Variants in CSNK2A2IP observed in about 807,000 individuals in gnomAD.
CSNK2A2IP encodes the protein casein kinase 2 subunit alpha' interacting protein, also known as casein kinase II subunit alpha'-interacting protein.
chr3:88,466,156 A>G, the CSNK2A2IP span: 14 of 1,231,474 alleles, frequency 1.1e-5, no homozygotes, highest in Non-Finnish European at 1.4e-5. Flanking sequence ...ACCCAATCAA[A>G]TTGCTCTTAC....
At chr3:88,441,640 T>C in the CSNK2A2IP span, among the ~76,000 whole-genome samples, 79 of 152,326 alleles carry the variant, frequency 5.2e-4, no homozygotes, top group African/African-American at 1.8e-3. Context: ...TCTTAGAGAA[T>C]ACATTTTTTT....
chr3:88,384,589 C>T, the CSNK2A2IP span, among the ~76,000 whole-genome samples: 2 of 151,934 alleles, frequency 1.3e-5, no homozygotes, highest in African/African-American at 2.4e-5. Context: ...GCCATTTTTC[C>T]CCAAAGAGCA....
chr3:88,453,167 G>A, the CSNK2A2IP span, among the ~76,000 whole-genome samples: 1 of 152,050 alleles, frequency 6.6e-6, no homozygotes, highest in African/African-American at 2.4e-5. Flanking sequence ...TATGAAGTTG[G>A]TTCCCAAAAG....
chr3:88,446,082 CTTTCTTTCTT>C, the CSNK2A2IP span, among the ~76,000 whole-genome samples: 4 of 98,984 alleles, frequency 4.0e-5, 1 homozygote, highest in South Asian at 9.6e-4. Flanking sequence ...TTCTTTCTTT[CTTTCTTTCTT>C]TCTTTCTTTT....
the CSNK2A2IP span, among the ~76,000 whole-genome samples, chr3:88,408,922 TC>T: frequency 6.6e-6 from 1 of 151,906 alleles, no homozygotes. Context: ...TGAAATTTAA[TC>T]AAAATAAGTC....
chr3:88,348,252 T>C, the CSNK2A2IP span, among the ~76,000 whole-genome samples: 1 of 152,080 alleles, frequency 6.6e-6, no homozygotes. Flanking sequence ...TATGTAATTA[T>C]GTTCAAAGGG....
the CSNK2A2IP span, among the ~76,000 whole-genome samples, chr3:88,355,561 T>C: frequency 1.3e-5 from 2 of 152,190 alleles, no homozygotes; most frequent in African/African-American, 2.4e-5. Context: ...CCCATTAATA[T>C]TGCTTTCTGA....
At chr3:88,458,112 C>T in the CSNK2A2IP span, among the ~76,000 whole-genome samples, 1 of 148,788 alleles carries the variant, frequency 6.7e-6, no homozygotes, top group African/African-American at 2.5e-5. Flanking sequence ...GTAACATCAC[C>T]TCTCTTAATC....
chr3:88,465,869 T>C, the CSNK2A2IP span: 1 of 1,231,708 alleles, frequency 8.1e-7, no homozygotes, highest in Non-Finnish European at 1.0e-6. Flanking sequence ...TGGAGATCAC[T>C]TTCATTGAAG....
chr3:88,383,271 C>G, the CSNK2A2IP span, among the ~76,000 whole-genome samples: 1 of 152,150 alleles, frequency 6.6e-6, no homozygotes, highest in East Asian at 1.9e-4. Flanking sequence ...ATTGTAGAAA[C>G]ATTATGGACA....
chr3:88,394,911 C>A, the CSNK2A2IP span, among the ~76,000 whole-genome samples: 1 of 152,128 alleles, frequency 6.6e-6, no homozygotes, highest in Non-Finnish European at 1.5e-5. Flanking sequence ...GGGAGAGGAG[C>A]AGCAAAGACT....
At chr3:88,422,127 T>C in the CSNK2A2IP span, among the ~76,000 whole-genome samples, 1 of 152,212 alleles carries the variant, frequency 6.6e-6, no homozygotes, top group African/African-American at 2.4e-5. Context: ...AAAAAACTTT[T>C]ATTAGACTTT....
At chr3:88,462,114 C>CAT in the CSNK2A2IP span, among the ~76,000 whole-genome samples, 10,113 of 143,030 alleles carry the variant, frequency 0.071, 412 homozygotes, top group East Asian at 0.22. Context: ...GAGTTTTTTT[C>CAT]ATATATATAT....
At chr3:88,438,726 A>G in the CSNK2A2IP span, among the ~76,000 whole-genome samples, 5 of 152,208 alleles carry the variant, frequency 3.3e-5, no homozygotes, top group African/African-American at 1.2e-4. Flanking sequence ...ATCTAAGTGT[A>G]AAACTAGACA....
At chr3:88,424,809 C>T in the CSNK2A2IP span, among the ~76,000 whole-genome samples, 1 of 151,096 alleles carries the variant, frequency 6.6e-6, no homozygotes, top group South Asian at 2.1e-4. Context: ...TTTAACAAAG[C>T]TTTTTTTTTC....
At chr3:88,354,223 C>G in the CSNK2A2IP span, among the ~76,000 whole-genome samples, 1 of 152,138 alleles carries the variant, frequency 6.6e-6, no homozygotes, top group East Asian at 1.9e-4. Flanking sequence ...AATACCCAGC[C>G]TTAGGTATTC....
the CSNK2A2IP span, among the ~76,000 whole-genome samples, chr3:88,387,722 G>A: frequency 6.6e-6 from 1 of 152,042 alleles, no homozygotes; most frequent in African/African-American, 2.4e-5. Flanking sequence ...CAGATAAACT[G>A]TAAACATACA....
At chr3:88,457,103 T>C in the CSNK2A2IP span, among the ~76,000 whole-genome samples, 1 of 152,268 alleles carries the variant, frequency 6.6e-6, no homozygotes, top group African/African-American at 2.4e-5. Flanking sequence ...TGAAGGGCTT[T>C]TTACTGAGCG....
At chr3:88,399,113 G>T in the CSNK2A2IP span, among the ~76,000 whole-genome samples, 1 of 152,066 alleles carries the variant, frequency 6.6e-6, no homozygotes, top group South Asian at 2.1e-4. Context: ...GATATAGGTG[G>T]TGTTTTTTAA....
Sources: allele counts gnomAD v4.1 joint callset (sites outside exome capture counted in the v4.1 genomes callset), GRCh38; gene constraint gnomAD v4.1.1; transcripts MANE v1.5; gene names NCBI Gene and HGNC (gene_info 2026-07-23, HGNC 2026-07-21).